PIWIL4: variants seen among roughly 807,000 people sequenced by gnomAD.
PIWIL4 encodes piwi like RNA-mediated gene silencing 4.
Under a neutral mutation model 100.9 loss-of-function variants are expected in PIWIL4, and 50 were observed. The observed-to-expected ratio is 0.50, with a 90% CI of 0.39 to 0.63. PIWIL4 has a LOEUF of 0.63. PIWIL4 is among the 20% of genes least tolerant of loss of function. The pLI is 0.00. For synonymous variants in PIWIL4, 342 were observed against 367.5 expected, an observed-to-expected ratio of 0.93 and a Z score of 0.79; for missense variants, 887 against 1,043.3, an observed-to-expected ratio of 0.85 and a Z score of 2.06.
intron 5 of PIWIL4, 135 bp downstream of exon 5, chr11:94,583,704 C>A (rs1469839430): frequency 1.7e-6 from 2 of 1,178,710 alleles, no homozygotes; most frequent in Admixed American, 2.0e-5. Context: ...TTCTCAAGCA[C>A]CTTCTCCTAC....
At chr11:94,585,589 T>C (rs1046589105) in intron 6 of PIWIL4, 64 bp downstream of exon 6, 12 of 1,275,020 alleles carry the variant, frequency 9.4e-6, no homozygotes, top group Non-Finnish European at 1.3e-5. Flanking sequence ...TAATTTATGA[T>C]GCAATATTAT....
chr11:94,595,539 A>G, intron 10 of PIWIL4, 113 bp downstream of exon 10: 1 of 890,822 alleles, frequency 1.1e-6, no homozygotes, highest in Non-Finnish European at 1.7e-6. Context: ...GATTCAGAGC[A>G]AGGAGCTTTT....
intron 4 of PIWIL4, among the ~76,000 whole-genome samples, chr11:94,583,141 C>T (rs1948348818): frequency 6.6e-6 from 1 of 150,846 alleles, no homozygotes; most frequent in East Asian, 1.9e-4. Flanking sequence ...ATCTCCCTCC[C>T]GCTCCCTAGA....
Position 94,567,586 on chromosome 11 carries a change from G to T in PIWIL4, c.68G>T (p.Arg23Leu). The change falls in exon 1 of 20, where the codon CGC (arginine) becomes CTC (leucine). Residue 23 changes from arginine (R) to leucine (L), a missense_variant. By Grantham distance (102) the Arg-to-Leu change is moderately radical. Transcript: ENST00000299001. ...AGCCCCAGTGCCACAGAAGTGGGGC[G>T]CATCCAAGCCTCGCCATTGGTGTGT... Reference protein sequence around the residue: ...ARSPSATEVGRIQASPLPRSV... With the variant: ...ARSPSATEVGLIQASPLPRSV... 1 of 1,603,766 alleles carries T rather than the reference G, an allele frequency of 6.2e-7. No homozygotes were observed. The highest frequency in any genetic ancestry group is 8.5e-7 in the Non-Finnish European group (1 of 1,175,478).
In PIWIL4 at chr11:94,587,226, T is replaced by C. The variant is rs1326894636; in HGVS notation, c.893T>C (p.Ile298Thr). 2 of 1,614,142 alleles carry C rather than the reference T, an allele frequency of 1.2e-6. No homozygotes were observed. Among genetic ancestry groups the C allele is most frequent in the Non-Finnish European group, 1.7e-6 (2 of 1,179,994 alleles). Reference protein sequence around the residue: ...CFTQTCEKQLIGLIVLTRYNN... With the variant: ...CFTQTCEKQLTGLIVLTRYNN... Reference sequence around the variant, plus strand: ...ACCCAGACGTGTGAGAAGCAGCTAATAGGGCTCATTGTCCTTACAAGGTAC... The same window carrying C: ...ACCCAGACGTGTGAGAAGCAGCTAACAGGGCTCATTGTCCTTACAAGGTAC... Residue 298 changes from isoleucine (I) to threonine (T), a missense_variant, in exon 7 of 20, where the codon ATA becomes ACA. Coordinates refer to ENST00000299001, the MANE Select transcript of PIWIL4 (RefSeq NM_152431.3).
chr11:94,593,752 C>A, intron 9 of PIWIL4, 111 bp downstream of exon 9: 1 of 1,254,418 alleles, frequency 8.0e-7, no homozygotes, highest in Non-Finnish European at 1.1e-6. Flanking sequence ...CGATTTAACC[C>A]ATGGAGGATG....
At chr11:94,572,281 T>G (rs1057355526) in intron 2 of PIWIL4, among the ~76,000 whole-genome samples, 8 of 152,248 alleles carry the variant, frequency 5.3e-5, no homozygotes, top group African/African-American at 1.9e-4. Context: ...GTGCAGAAGC[T>G]CTTTAGTTTC....
intron 13 of PIWIL4, among the ~76,000 whole-genome samples, chr11:94,604,799 CTTG>C (rs1323584573): frequency 2.0e-5 from 3 of 152,198 alleles, no homozygotes; most frequent in Non-Finnish European, 4.4e-5. Context: ...ATCCAACATT[CTTG>C]TTGTTATGTC....
intron 15 of PIWIL4, among the ~76,000 whole-genome samples, chr11:94,613,882 C>T (rs924179103): frequency 6.6e-6 from 1 of 152,092 alleles, no homozygotes; most frequent in African/African-American, 2.4e-5. Flanking sequence ...CCTGCCTCAG[C>T]CTCCCAAGTA....
chr11:94,607,169 TGAG>T (rs1231070420), intron 13 of PIWIL4, among the ~76,000 whole-genome samples: 1 of 151,258 alleles, frequency 6.6e-6, no homozygotes, highest in Non-Finnish European at 1.5e-5. Context: ...AGGAGAGAAA[TGAG>T]GAGAAAGGAA....
At chr11:94,576,215 G>C (rs1216036801) in intron 3 of PIWIL4, among the ~76,000 whole-genome samples, 2 of 152,152 alleles carry the variant, frequency 1.3e-5, no homozygotes, top group African/African-American at 4.8e-5. Context: ...GTTCACTGCA[G>C]CCTCTGCCTT....
chr11:94,604,088 A>ATCCTG, intron 13 of PIWIL4, 32 bp downstream of exon 13: 1 of 1,426,744 alleles, frequency 7.0e-7, no homozygotes, highest in Non-Finnish European at 9.7e-7. Context: ...AACTCCTTTA[A>ATCCTG]TCTATAATTT....
intron 12 of PIWIL4, 117 bp from the exon 13 acceptor site, chr11:94,603,867 T>A (rs1423095454): frequency 4.9e-6 from 3 of 612,970 alleles, no homozygotes; most frequent in East Asian, 6.5e-5. Flanking sequence ...TCTCTAATAA[T>A]TTTTCCTAAA....
At chr11:94,602,344 T>TA (rs1192099968) in intron 12 of PIWIL4, among the ~76,000 whole-genome samples, 2 of 152,204 alleles carry the variant, frequency 1.3e-5, no homozygotes, top group Non-Finnish European at 2.9e-5. Flanking sequence ...AAATGGATAT[T>TA]AAAAAACAGA....
chr11:94,577,863 G>A (rs1380721432), intron 4 of PIWIL4, among the ~76,000 whole-genome samples: 1 of 152,154 alleles, frequency 6.6e-6, no homozygotes, highest in Admixed American at 6.5e-5. Context: ...GCAGTAAAGT[G>A]TATGCCTAAT....
chr11:94,583,794 A>C (rs935878445), intron 5 of PIWIL4, among the ~76,000 whole-genome samples: 3 of 152,214 alleles, frequency 2.0e-5, no homozygotes, highest in African/African-American at 7.2e-5. Context: ...TCCTAAGTTG[A>C]GACAAATAAT....
At chr11:94,574,925 T>TTTGACAAG in intron 2 of PIWIL4, 74 bp from the exon 3 acceptor site, 1 of 1,461,710 alleles carries the variant, frequency 6.8e-7, no homozygotes, top group South Asian at 1.2e-5. Flanking sequence ...TGCAATGCAT[T>TTTGACAAG]TTTGACATAG....
chr11:94,617,230 A>G (rs1248276947), intron 16 of PIWIL4, among the ~76,000 whole-genome samples: 1 of 152,230 alleles, frequency 6.6e-6, no homozygotes, highest in Non-Finnish European at 1.5e-5. Flanking sequence ...CTTCTATCAA[A>G]CTAAAATGAA....
At chr11:94,594,535 C>G (rs933761809) in intron 9 of PIWIL4, among the ~76,000 whole-genome samples, 1 of 151,240 alleles carries the variant, frequency 6.6e-6, no homozygotes, top group Admixed American at 6.6e-5. Context: ...GGTGTTCATT[C>G]TTTTTATTTT....
Sources: gnomAD v4.1 joint callset for allele counts (sites outside exome capture counted in the v4.1 genomes callset) on GRCh38, gnomAD v4.1.1 for gene constraint, MANE v1.5 for transcripts, NCBI Gene and HGNC (gene_info 2026-07-23, HGNC 2026-07-21) for gene names.